The following APOO variants were observed in gnomAD, a reference collection of about 807,000 sequenced individuals.
APOO encodes MICOS complex subunit MIC26.
APOO carries 11 observed loss-of-function variants against 23.1 expected under a neutral mutation model. The observed-to-expected ratio is 0.48, with a 90% confidence interval of 0.30 to 0.79. The LOEUF is 0.79. Among genes scored for constraint, APOO ranks in the 30% least tolerant of loss-of-function variants. The pLI is 0.07. For missense variants in APOO, 160 were observed against 142.7 expected, an observed-to-expected ratio of 1.12 and a Z score of -0.62; for synonymous variants, 59 against 54.8, an observed-to-expected ratio of 1.08 and a Z score of -0.34.
At chrX:23,906,794 T>C (rs932550644) in intron 1 of APOO, among the ~76,000 whole-genome samples, 1 of 112,341 alleles carries the variant, frequency 8.9e-6, no homozygotes, top group African/African-American at 3.2e-5. Flanking sequence ...CACAGTGACT[T>C]GCCCAAGGTC....
Position 23,886,362 on chromosome X carries a change from G to A in APOO, c.10-5410C>T, listed in dbSNP as rs761601563. 8.9e-5 allele frequency among the ~76,000 whole-genome samples: 10 copies of A among 111,994 alleles called. No individual in the cohort carries two copies. In the East Asian group the frequency reaches 2.8e-3, roughly 31 times the overall value. On this transcript the variant is annotated intron_variant, in intron 1 of 8. Coordinates refer to ENST00000379226, the MANE Select transcript of APOO (RefSeq NM_024122.5). ...GAGAAGTGGCACAAGTGAACTTTCTGGGGTGAAACAATCTTGATTGGGGTA... is the reference window on the plus strand; with the variant it reads ...GAGAAGTGGCACAAGTGAACTTTCTAGGGTGAAACAATCTTGATTGGGGTA...
chrX:23,877,061 C>T (rs755519000), intron 3 of APOO, among the ~76,000 whole-genome samples: 1 of 111,484 alleles, frequency 9.0e-6, no homozygotes, highest in African/African-American at 3.3e-5. Flanking sequence ...CTGAGTATCA[C>T]GCATGGAAGA....
intron 1 of APOO, among the ~76,000 whole-genome samples, chrX:23,896,179 A>T (rs1424109076): frequency 3.6e-5 from 4 of 110,109 alleles, no homozygotes; most frequent in Non-Finnish European, 5.7e-5. Context: ...GAGGCAGGAG[A>T]ATTGCTTGAA....
chrX:23,897,423 T>A (rs1392183037), intron 1 of APOO, among the ~76,000 whole-genome samples: 1 of 112,022 alleles, frequency 8.9e-6, no homozygotes, highest in Non-Finnish European at 1.9e-5. Context: ...GGAACACAGA[T>A]AATATGTAAT....
chrX:23,865,175 T>A (rs938017226), intron 5 of APOO, among the ~76,000 whole-genome samples: 6 of 111,282 alleles, frequency 5.4e-5, no homozygotes, highest in African/African-American at 2.0e-4. Flanking sequence ...CAACCACGTG[T>A]CATCTTGGAG....
rs1372189362 is a variant in APOO, at chrX:23,897,964, C to CA, written c.9+9729dup. On this transcript the variant is annotated intron_variant, in intron 1 of 8. Coordinates refer to ENST00000379226, the MANE Select transcript of APOO (RefSeq NM_024122.5). Reference sequence around the variant, plus strand: ...GAGCTAAGATTGTGCCACTGCACTCCAGCCTGGGAGACAGAGCATGATTCT... The same window carrying CA: ...GAGCTAAGATTGTGCCACTGCACTCCAAGCCTGGGAGACAGAGCATGATTCT... 1.1e-4 allele frequency among the ~76,000 whole-genome samples: 11 copies of CA among 97,752 alleles called. No homozygotes were observed. The Admixed American group carries it at 1.3e-3, about 11-fold the overall frequency. 84.9% of individuals were successfully genotyped at this position (97,752 alleles called of 115,157 possible). A position where few individuals can be genotyped will look rare whatever the true frequency, so the allele number is the denominator to read the frequency against.
chrX:23,869,635 A>C (rs111609186), intron 4 of APOO, among the ~76,000 whole-genome samples: 8,733 of 92,416 alleles, frequency 0.094, 641 homozygotes, highest in East Asian at 0.42. Flanking sequence ...ACAGCCTCTT[A>C]AAAAGAAAAA....
At chrX:23,862,263 T>G (rs1925088192) in intron 5 of APOO, among the ~76,000 whole-genome samples, 1 of 110,129 alleles carries the variant, frequency 9.1e-6, no homozygotes, top group South Asian at 3.8e-4. Flanking sequence ...CAAATAAATT[T>G]TAAAAGCCAC....
chrX:23,879,060 A>G, intron 2 of APOO, 26 bp from the exon 3 acceptor site: 1 of 1,198,014 alleles, frequency 8.3e-7, no homozygotes, highest in Non-Finnish European at 1.1e-6. Context: ...CAAAACAAAG[A>G]TTTAAAAGAT....
At chrX:23,842,641 C>G (rs754180575) in intron 7 of APOO, among the ~76,000 whole-genome samples, 3 of 111,314 alleles carry the variant, frequency 2.7e-5, no homozygotes, top group Non-Finnish European at 3.8e-5. Context: ...TAATGAAGAA[C>G]AAGAAGAGAG....
At chrX:23,856,806 G>A (rs1362682060) in intron 6 of APOO, among the ~76,000 whole-genome samples, 2 of 112,756 alleles carry the variant, frequency 1.8e-5, no homozygotes, top group Non-Finnish European at 3.7e-5. Flanking sequence ...CACCTACCTC[G>A]GCCTTCCAAA....
At chrX:23,905,650 T>C (rs1014726039) in intron 1 of APOO, among the ~76,000 whole-genome samples, 3 of 111,670 alleles carry the variant, frequency 2.7e-5, no homozygotes, top group Non-Finnish European at 5.6e-5. Flanking sequence ...GTGAGTCCTA[T>C]AGACTCCTTC....
chrX:23,888,303 T>C (rs1240409449), intron 1 of APOO, among the ~76,000 whole-genome samples: 3 of 112,168 alleles, frequency 2.7e-5, no homozygotes, highest in African/African-American at 9.7e-5. Context: ...CTGTCTCCAC[T>C]GAAGCTTGCG....
At chrX:23,845,938 G>T (rs183598240) in intron 7 of APOO, among the ~76,000 whole-genome samples, 25 of 111,625 alleles carry the variant, frequency 2.2e-4, no homozygotes, top group African/African-American at 7.8e-4. Flanking sequence ...GTAATTTGTT[G>T]CATTAAAAAA....
At chrX:23,865,660 G>A (rs1925304176) in intron 5 of APOO, among the ~76,000 whole-genome samples, 1 of 107,732 alleles carries the variant, frequency 9.3e-6, no homozygotes, top group Non-Finnish European at 1.9e-5. Context: ...CCACCCTGCT[G>A]CTGCCCTCAA....
At chrX:23,862,352 CA>C (rs886181980) in intron 5 of APOO, among the ~76,000 whole-genome samples, 1 of 109,776 alleles carries the variant, frequency 9.1e-6, no homozygotes, top group Admixed American at 9.8e-5. Context: ...ATGACCAAAG[CA>C]AAAAAAATTC....
chrX:23,873,352 G>A (rs759357459), intron 4 of APOO, among the ~76,000 whole-genome samples: 13 of 111,554 alleles, frequency 1.2e-4, no homozygotes, highest in Non-Finnish European at 2.4e-4. Context: ...GCTCACGCCT[G>A]TAATCCCAAT....
chrX:23,836,623 T>A, intron 8 of APOO: 1 of 718,957 alleles, frequency 1.4e-6, no homozygotes, highest in Admixed American at 4.3e-5. Context: ...CCAGCCTAAT[T>A]TCTTTTTTTT....
At chrX:23,855,361 T>C (rs1248159382) in intron 7 of APOO, among the ~76,000 whole-genome samples, 2 of 111,406 alleles carry the variant, frequency 1.8e-5, no homozygotes, top group Admixed American at 9.7e-5. Context: ...TTTATGTAAA[T>C]AATAAAGAGG....
Sources: gnomAD v4.1 joint callset for allele counts (sites outside exome capture counted in the v4.1 genomes callset) on GRCh38, gnomAD v4.1.1 for gene constraint, MANE v1.5 for transcripts, NCBI Gene and HGNC (gene_info 2026-07-23, HGNC 2026-07-21) for gene names.